Variants in COLGALT1 observed in about 807,000 individuals in gnomAD.
COLGALT1 encodes collagen beta(1-O)galactosyltransferase 1.
A neutral mutation model predicts 60.8 loss-of-function variants in COLGALT1; 43 were observed. That is an observed-to-expected ratio of 0.71 (90% CI 0.55 to 0.91). The LOEUF (loss-of-function observed/expected upper bound fraction) is 0.91, where lower values mean the gene tolerates loss of function less well. Among genes scored for constraint, COLGALT1 ranks in the 40% least tolerant of loss-of-function variants. The pLI is 0.00. For missense variants in COLGALT1, 845 were observed against 880.0 expected, an observed-to-expected ratio of 0.96 and a Z score of 0.50; for synonymous variants, 369 against 374.2, an observed-to-expected ratio of 0.99 and a Z score of 0.16.
intron 5 of COLGALT1, among the ~76,000 whole-genome samples, chr19:17,569,746 A>G (rs1355728956): frequency 6.6e-6 from 1 of 151,972 alleles, no homozygotes; most frequent in East Asian, 1.9e-4. Context: ...CCATTCTCCT[A>G]ATTTTCTACA....
chr19:17,572,736 C>A, intron 6 of COLGALT1, 134 bp downstream of exon 6: 2 of 1,290,384 alleles, frequency 1.5e-6, no homozygotes, highest in Non-Finnish European at 2.1e-6. Flanking sequence ...GGTGCAACGG[C>A]ACGTGTGAAC....
chr19:17,577,577 A>G (rs2076352408), intron 8 of COLGALT1, 110 bp downstream of exon 8: 2 of 1,017,984 alleles, frequency 2.0e-6, no homozygotes, highest in Admixed American at 5.8e-5. Context: ...GTGTCCAAAC[A>G]GATGTAGACC....
At chr19:17,572,052 C>G (rs1473326802) in intron 5 of COLGALT1, 1 of 158,750 alleles carries the variant, frequency 6.3e-6, no homozygotes, top group African/African-American at 2.4e-5. Flanking sequence ...TGGCTCATAC[C>G]TGTAATCCCA....
chr19:17,563,283 T>TGG (rs2076260148), intron 3 of COLGALT1, among the ~76,000 whole-genome samples: 1 of 136,622 alleles, frequency 7.3e-6, no homozygotes, highest in South Asian at 2.5e-4. Context: ...CTCCACCTCC[T>TGG]GGGGTCAAGT....
rs375187950 is a variant in COLGALT1 at position 17,555,649 on chromosome 19, G to A, written c.-65G>A. ...GCGCGCGGCCGGGCGGGGCCCCTAT[G>A]ACCCCTTTAAGGCGCGGCCAGAGTC... On this transcript the variant is annotated 5_prime_UTR_variant, in exon 1 of 12. Coordinates refer to ENST00000252599, the MANE Select transcript of COLGALT1 (RefSeq NM_024656.4). The A allele has an allele frequency of 8.5e-4, 987 of 1,158,682 alleles. 10 individuals carry two copies. The African/African-American group carries it at 0.015, about 17-fold the overall frequency. The allele number at this position is 1,158,682 out of a possible 1,614,324, so 71.8% of individuals were successfully genotyped here.
At chr19:17,568,196 G>A (rs2076290582) in intron 4 of COLGALT1, among the ~76,000 whole-genome samples, 1 of 152,134 alleles carries the variant, frequency 6.6e-6, no homozygotes, top group African/African-American at 2.4e-5. Flanking sequence ...CTTTGGGTGG[G>A]TTCATTCTCA....
intron 11 of COLGALT1, 65 bp downstream of exon 11, chr19:17,580,970 T>C: frequency 1.3e-6 from 2 of 1,574,298 alleles, no homozygotes; most frequent in Non-Finnish European, 8.7e-7. Context: ...AGAATGGGGA[T>C]GTGAGACTCA....
chr19:17,561,066 G>T (rs1267719092), intron 3 of COLGALT1, among the ~76,000 whole-genome samples: 1 of 151,130 alleles, frequency 6.6e-6, no homozygotes, highest in Non-Finnish European at 1.5e-5. Flanking sequence ...TTAGCCGGGC[G>T]TGGTGGCAGG....
intron 4 of COLGALT1, 45 bp from the exon 5 acceptor site, chr19:17,568,464 C>T: frequency 6.6e-7 from 1 of 1,520,420 alleles, no homozygotes; most frequent in Non-Finnish European, 9.1e-7. Flanking sequence ...TCTCCATCCT[C>T]ACCTTTCAAG....
intron 3 of COLGALT1, among the ~76,000 whole-genome samples, chr19:17,563,812 A>G (rs969247356): frequency 2.6e-5 from 4 of 152,144 alleles, no homozygotes; most frequent in Non-Finnish European, 4.4e-5. Flanking sequence ...ATATTTTTGT[A>G]ACTGGGGACT....
At position 17,583,143 on chromosome 19, in the gene COLGALT1, C is replaced by T. The variant is rs748666129; in HGVS notation, c.*1699C>T. 1.3e-5 allele frequency: 2 copies of T among 152,284 alleles called. No homozygotes were observed. The highest frequency in any genetic ancestry group is 1.5e-5 in the Non-Finnish European group (1 of 68,026). 9.4% of individuals were successfully genotyped at this position (152,284 alleles called of 1,614,324 possible). A position where few individuals can be genotyped will look rare whatever the true frequency, so the allele number is the denominator to read the frequency against. ...CTTGCTTAGTTTTTTAATAAATGTT[C>T]CTGGTTGGTTTTCACAGCAGTTTGT... is the stretch of plus-strand genomic sequence containing the variant. On this transcript the variant is annotated 3_prime_UTR_variant, in exon 12 of 12. Coordinates refer to ENST00000252599, the MANE Select transcript of COLGALT1 (RefSeq NM_024656.4).
At chr19:17,565,041 A>G (rs769816343) in intron 3 of COLGALT1, among the ~76,000 whole-genome samples, 4 of 152,070 alleles carry the variant, frequency 2.6e-5, no homozygotes, top group Non-Finnish European at 5.9e-5. Context: ...AGCCTGGATC[A>G]GTGCTTCCTT....
Position 17,579,755 on chromosome 19 carries a change from C to T in COLGALT1, c.1394+146C>T, listed in dbSNP as rs548707398. ...CTTGAAGGTGGGGTGGAACTGGAGCCTAGGTACATGGCCAGGGCTTAGAGG... is the reference window on the plus strand; with the variant it reads ...CTTGAAGGTGGGGTGGAACTGGAGCTTAGGTACATGGCCAGGGCTTAGAGG... On this transcript the variant is annotated intron_variant, in intron 10 of 11. Coordinates refer to ENST00000252599, the MANE Select transcript of COLGALT1 (RefSeq NM_024656.4). The T allele has an allele frequency of 6.5e-6, 7 of 1,080,278 alleles. No homozygotes were observed. In the African/African-American group the frequency reaches 1.1e-4, roughly 17 times the overall value. 66.9% of individuals were successfully genotyped at this position (1,080,278 alleles called of 1,614,324 possible).
chr19:17,581,283 G>A lies in COLGALT1; in HGVS notation c.1708G>A (p.Asp570Asn). 1 of 1,612,478 alleles carries A rather than the reference G, an allele frequency of 6.2e-7. No homozygotes were observed. Among genetic ancestry groups the A allele is most frequent in the South Asian group, 1.1e-5 (1 of 91,020 alleles). Residue 570 changes from aspartate (D) to asparagine (N), a missense_variant, in exon 12 of 12, where the codon GAC (aspartate) becomes AAC (asparagine). Transcript: ENST00000252599. ...CACAGGAGACGATGGCTATGTGAGT[G>A]ACACCGAGACCTCAGTCGTATGGAA... is the stretch of plus-strand genomic sequence containing the variant. Reference protein sequence around the residue: ...HYTGDDGYVSDTETSVVWNNE... With the variant: ...HYTGDDGYVSNTETSVVWNNE...
intron 7 of COLGALT1, 45 bp downstream of exon 7, chr19:17,577,316 C>T (rs780972678): frequency 6.2e-7 from 1 of 1,609,726 alleles, no homozygotes. Flanking sequence ...CTGGAGGGCC[C>T]TTGTTTGCAG....
chr19:17,575,682 T>C (rs1485459000), intron 6 of COLGALT1, among the ~76,000 whole-genome samples: 1 of 152,006 alleles, frequency 6.6e-6, no homozygotes, highest in East Asian at 1.9e-4. Flanking sequence ...CCCGGCCTTC[T>C]TTTTTGCTTT....
At chr19:17,569,295 G>T (rs1050037140) in intron 5 of COLGALT1, among the ~76,000 whole-genome samples, 3 of 152,034 alleles carry the variant, frequency 2.0e-5, no homozygotes, top group African/African-American at 7.2e-5. Context: ...ATTTTGTCAC[G>T]TGCATAGATT....
At chr19:17,567,292 G>C (rs2076285065) in intron 3 of COLGALT1, 114 bp from the exon 4 acceptor site, 2 of 1,391,320 alleles carry the variant, frequency 1.4e-6, no homozygotes, top group African/African-American at 2.8e-5. Flanking sequence ...CCGGTGTAGG[G>C]GGTGCTTCCA....
chr19:17,578,532 A>G (rs1166785597), intron 9 of COLGALT1, among the ~76,000 whole-genome samples: 1 of 152,100 alleles, frequency 6.6e-6, no homozygotes, highest in Non-Finnish European at 1.5e-5. Context: ...TGATTGGAGG[A>G]GGGTGTCTGA....
Sources: gnomAD v4.1 joint callset for allele counts (sites outside exome capture counted in the v4.1 genomes callset) on GRCh38, gnomAD v4.1.1 for gene constraint, MANE v1.5 for transcripts, NCBI Gene and HGNC (gene_info 2026-07-23, HGNC 2026-07-21) for gene names.